Variants in RETREG1 observed in about 807,000 individuals in gnomAD.
RETREG1 encodes reticulophagy regulator 1.
A neutral mutation model predicts 54.8 loss-of-function variants in RETREG1; 44 were observed. The ratio of observed to expected loss-of-function variants is 0.80; its 90% CI spans 0.63 to 1.03. The LOEUF is 1.03. Ranked by LOEUF, RETREG1 falls within the 50% of genes least tolerant of loss-of-function variation. The pLI is 0.00. For synonymous variants in RETREG1, 217 were observed against 238.5 expected, an observed-to-expected ratio of 0.91 and a Z score of 0.83; for missense variants, 554 against 605.1, an observed-to-expected ratio of 0.92 and a Z score of 0.89.
intron 3 of RETREG1, among the ~76,000 whole-genome samples, chr5:16,556,538 A>C (rs763082508): frequency 2.0e-5 from 3 of 152,164 alleles, no homozygotes; most frequent in African/African-American, 4.8e-5. Context: ...ATTAACTTAA[A>C]GGAATGTCAA....
At chr5:16,496,435 A>G (rs1019947413) in intron 3 of RETREG1, among the ~76,000 whole-genome samples, 8 of 152,192 alleles carry the variant, frequency 5.3e-5, no homozygotes, top group African/African-American at 1.7e-4. Context: ...AGGAAGGGGT[A>G]AAAAGAAGCT....
At position 16,474,722 on chromosome 5, in the gene RETREG1, T is replaced by C; in HGVS notation, c.*19A>G. 1 of 1,610,598 alleles carries C rather than the reference T, an allele frequency of 6.2e-7. No homozygotes were observed. Reference sequence around the variant, plus strand: ...TTTTTTTGGTGTTTTTTGTGCTCTGTTGCAAGCTGATTCCTAGATTAATGG... The same window carrying C: ...TTTTTTTGGTGTTTTTTGTGCTCTGCTGCAAGCTGATTCCTAGATTAATGG... On this transcript the variant is annotated 3_prime_UTR_variant, in exon 9 of 9. Coordinates refer to ENST00000306320, the MANE Select transcript of RETREG1 (RefSeq NM_001034850.3).
intron 4 of RETREG1, among the ~76,000 whole-genome samples, chr5:16,481,324 G>A (rs1738766570): frequency 6.6e-6 from 1 of 152,060 alleles, no homozygotes; most frequent in Admixed American, 6.6e-5. Context: ...TGAGGACACA[G>A]GAGCTAATTT....
chr5:16,528,655 G>A (rs1740809806), intron 3 of RETREG1, among the ~76,000 whole-genome samples: 1 of 152,316 alleles, frequency 6.6e-6, no homozygotes, highest in African/African-American at 2.4e-5. Flanking sequence ...GAAGGGACAA[G>A]GTAAAGTTAT....
At chr5:16,575,463 A>T (rs113676361) in intron 1 of RETREG1, among the ~76,000 whole-genome samples, 62 of 152,366 alleles carry the variant, frequency 4.1e-4, no homozygotes, top group African/African-American at 1.5e-3. Context: ...TTCAAAACCA[A>T]TGAAATGCAA....
At chr5:16,508,364 T>C (rs1740044726) in intron 3 of RETREG1, among the ~76,000 whole-genome samples, 2 of 152,272 alleles carry the variant, frequency 1.3e-5, no homozygotes, top group African/African-American at 2.4e-5. Context: ...AGAAAAGCAC[T>C]TATTGGCATA....
chr5:16,579,550 C>T (rs1742427304), intron 1 of RETREG1, among the ~76,000 whole-genome samples: 1 of 152,158 alleles, frequency 6.6e-6, no homozygotes, highest in Admixed American at 6.5e-5. Context: ...CATATATCCA[C>T]CATTATAGTA....
intron 1 of RETREG1, among the ~76,000 whole-genome samples, chr5:16,577,041 A>ACACG (rs577659242): frequency 2.9e-5 from 2 of 68,578 alleles, no homozygotes; most frequent in Non-Finnish European, 9.2e-5. Flanking sequence ...GTGCACGCAC[A>ACACG]CACACACACA....
At chr5:16,536,971 C>T (rs943997894) in intron 3 of RETREG1, among the ~76,000 whole-genome samples, 1 of 152,164 alleles carries the variant, frequency 6.6e-6, no homozygotes, top group African/African-American at 2.4e-5. Context: ...CTCCCATCGT[C>T]AGAGAGTTCA....
At chr5:16,596,097 A>T (rs543771311) in intron 1 of RETREG1, among the ~76,000 whole-genome samples, 2 of 152,326 alleles carry the variant, frequency 1.3e-5, no homozygotes, top group African/African-American at 4.8e-5. Flanking sequence ...TAGTTTCTTC[A>T]TCTGTAACAC....
chr5:16,513,165 G>T (rs1740235212), intron 3 of RETREG1, among the ~76,000 whole-genome samples: 1 of 152,206 alleles, frequency 6.6e-6, no homozygotes, highest in Admixed American at 6.5e-5. Context: ...AAACTGGACT[G>T]GGTTCAGTAG....
chr5:16,538,816 T>C (rs1465708798), intron 3 of RETREG1, among the ~76,000 whole-genome samples: 1 of 152,042 alleles, frequency 6.6e-6, no homozygotes, highest in Non-Finnish European at 1.5e-5. Flanking sequence ...GCCATTCTCC[T>C]ACCTCAGCCT....
chr5:16,601,391 C>CTTTTTTTTTTTTTTTTTTT (rs530475440), intron 1 of RETREG1, among the ~76,000 whole-genome samples: 1 of 140,816 alleles, frequency 7.1e-6, no homozygotes, highest in African/African-American at 2.6e-5. Context: ...GAGGAATTTT[C>CTTTTTTTTTTTTTTTTTTT]TTTTTTTTTT....
intron 1 of RETREG1, among the ~76,000 whole-genome samples, chr5:16,608,258 T>G (rs189402311): frequency 6.6e-6 from 1 of 152,236 alleles, no homozygotes; most frequent in East Asian, 1.9e-4. Flanking sequence ...TCACCAAACC[T>G]TTTTTAACAT....
chr5:16,481,891 T>G (rs1021699145), intron 4 of RETREG1, among the ~76,000 whole-genome samples: 2 of 152,058 alleles, frequency 1.3e-5, no homozygotes. Flanking sequence ...AGTCTTAAAC[T>G]GTCTTACATT....
intron 3 of RETREG1, among the ~76,000 whole-genome samples, chr5:16,513,870 T>G (rs1187053669): frequency 1.3e-5 from 2 of 152,242 alleles, no homozygotes; most frequent in African/African-American, 4.8e-5. Flanking sequence ...CACTTCTTCC[T>G]TGTCATGATC....
intron 1 of RETREG1, among the ~76,000 whole-genome samples, chr5:16,589,595 A>T (rs959656048): frequency 6.6e-6 from 1 of 152,106 alleles, no homozygotes; most frequent in Non-Finnish European, 1.5e-5. Context: ...CAAACTCCTG[A>T]CCTCAAGTGA....
At chr5:16,573,035 T>C (rs1742221546) in intron 1 of RETREG1, among the ~76,000 whole-genome samples, 1 of 151,634 alleles carries the variant, frequency 6.6e-6, no homozygotes, top group Non-Finnish European at 1.5e-5. Context: ...ATACAAAAGT[T>C]AGCCAGGCAT....
At position 16,597,926 on chromosome 5, in the gene RETREG1, G is replaced by A. The variant is rs1742946993; in HGVS notation, c.320+18726C>T. On this transcript the variant is annotated intron_variant, in intron 1 of 8. Coordinates refer to ENST00000306320, the MANE Select transcript of RETREG1 (RefSeq NM_001034850.3). The surrounding 1 kb of genome is among the most constrained non-coding windows in gnomAD (Gnocchi z 4.3). The stretch of plus-strand genomic sequence containing the variant: ...CGCTGGCACGACTTCCTTGCCCCAG[G>A]GGTAAGGAACTACACTGGAGGGAAC... 6.6e-6 allele frequency among the ~76,000 whole-genome samples: 1 copy of A among 151,930 alleles called. No individual in the cohort carries two copies. The highest frequency in any genetic ancestry group is 2.1e-4 in the South Asian group (1 of 4,818).
Sources: gnomAD v4.1 joint callset for allele counts (sites outside exome capture counted in the v4.1 genomes callset) on GRCh38, gnomAD v4.1.1 for gene constraint, Gnocchi (gnomAD v3.1) non-coding constraint, MANE v1.5 for transcripts, NCBI Gene and HGNC (gene_info 2026-07-23, HGNC 2026-07-21) for gene names.